PCDHGA1: variants seen among roughly 807,000 people sequenced by gnomAD.
PCDHGA1 encodes the protein protocadherin gamma subfamily A, 1.
Under a neutral mutation model 58.0 loss-of-function variants are expected in PCDHGA1, and 32 were observed. The observed-to-expected ratio is 0.55, with a 90% CI of 0.42 to 0.74. The LOEUF (loss-of-function observed/expected upper bound fraction) is 0.74, where lower values mean the gene tolerates loss of function less well. Among genes scored for constraint, PCDHGA1 ranks in the 30% least tolerant of loss-of-function variants. The pLI is 0.00. For synonymous variants in PCDHGA1, 498 were observed against 501.1 expected, an observed-to-expected ratio of 0.99 and a Z score of 0.08; for missense variants, 1,205 against 1,182.3, an observed-to-expected ratio of 1.02 and a Z score of -0.28.
intron 1 of PCDHGA1, chr5:141,398,756 T>C: frequency 1.9e-6 from 3 of 1,613,924 alleles, no homozygotes; most frequent in Non-Finnish European, 2.5e-6. Context: ...TACCATCGTT[T>C]AGTCCTGACT....
intron 1 of PCDHGA1, chr5:141,420,146 C>G (rs372634787): frequency 1.9e-6 from 3 of 1,613,962 alleles, no homozygotes; most frequent in Non-Finnish European, 2.5e-6. Flanking sequence ...TCAAATGAAT[C>G]CAGAATTTAA....
chr5:141,448,912 T>C (rs1195715286), intron 1 of PCDHGA1, among the ~76,000 whole-genome samples: 1 of 152,152 alleles, frequency 6.6e-6, no homozygotes, highest in Non-Finnish European at 1.5e-5. Flanking sequence ...GCCACTGCAC[T>C]CCAGCCTGGG....
At chr5:141,451,712 C>G (rs769620335) in intron 1 of PCDHGA1, among the ~76,000 whole-genome samples, 2 of 151,994 alleles carry the variant, frequency 1.3e-5, no homozygotes, top group African/African-American at 4.8e-5. Context: ...CAAAACCCTG[C>G]CTCTACTAAA....
chr5:141,410,780 A>T, intron 1 of PCDHGA1: 1 of 803,810 alleles, frequency 1.2e-6, no homozygotes. Context: ...TTCACTATGT[A>T]TTTGGTTCAT....
chr5:141,464,921 G>C (rs1562002597), intron 1 of PCDHGA1, among the ~76,000 whole-genome samples: 6 of 151,106 alleles, frequency 4.0e-5, no homozygotes, highest in Admixed American at 3.3e-4. Flanking sequence ...TTATTTTTTT[G>C]TAGAGATGTG....
At chr5:141,350,349 A>G in intron 1 of PCDHGA1, 1 of 1,559,220 alleles carries the variant, frequency 6.4e-7, no homozygotes, top group Non-Finnish European at 8.7e-7. Flanking sequence ...ATCTCCCAGC[A>G]GATCCGATAC....
intron 1 of PCDHGA1, chr5:141,344,347 AAATT>A: frequency 6.2e-7 from 1 of 1,613,958 alleles, no homozygotes; most frequent in Admixed American, 1.7e-5. Context: ...TGTCTGGTAA[AAATT>A]AACATTCTGG....
intron 1 of PCDHGA1, chr5:141,387,764 A>T: frequency 7.0e-7 from 1 of 1,430,464 alleles, no homozygotes; most frequent in Non-Finnish European, 9.3e-7. Context: ...AAAAAGAAGA[A>T]TTTTTTCTTG....
At chr5:141,430,100 C>T (rs6874907) in intron 1 of PCDHGA1, among the ~76,000 whole-genome samples, 7,606 of 152,160 alleles carry the variant, frequency 0.05, 372 homozygotes, top group African/African-American at 0.13. Context: ...GATTTTTAAG[C>T]GTTACATGTC....
chr5:141,423,332 C>G, intron 1 of PCDHGA1: 2 of 1,614,198 alleles, frequency 1.2e-6, no homozygotes, highest in Non-Finnish European at 1.7e-6. Flanking sequence ...GCCGCAGTCT[C>G]CTGCATCTTC....
rs1345800081 is a variant in PCDHGA1, at chr5:141,485,453, G to A, written c.2422-9354G>A. 1 of 1,614,176 alleles carries A rather than the reference G, an allele frequency of 6.2e-7. No homozygotes were observed. The highest frequency in any genetic ancestry group is 8.5e-7 in the Non-Finnish European group (1 of 1,180,036). On this transcript the variant is annotated intron_variant, in intron 1 of 3. Transcript: ENST00000517417. The surrounding 1 kb of genome is among the most constrained non-coding windows in gnomAD (Gnocchi z 5.7). ...CATCAAGAACCCAATCGACCGAGAG[G>A]CACTGTGTGGGCTCAGTGCCAGCTG...
rs139771811 is a variant in PCDHGA1 at position 141,355,932 on chromosome 5, G to C, written c.2421+22827G>C. ...ACGATAATGCTCCCGTGTTCACTCA[G>C]CCCGAGTACCACGTAAGTGTTCGTG... On this transcript the variant is annotated intron_variant, in intron 1 of 3. Coordinates refer to ENST00000517417, the MANE Select transcript of PCDHGA1 (RefSeq NM_018912.3). 10 of 1,613,772 alleles carry C rather than the reference G, an allele frequency of 6.2e-6. 1 individual carries two copies. The highest frequency in any genetic ancestry group is 4.5e-5 in the East Asian group (2 of 44,878).
At position 141,332,850 on chromosome 5, in the gene PCDHGA1, A is replaced by G. The variant is rs1464240380; in HGVS notation, c.2166A>G (p.Ser722=). ...LAHRLRRWHK[S]RLLQASGGGL... ...ACAGGCTGCGGCGCTGGCACAAGTCACGTCTGCTACAGGCTTCGGGAGGCG... is the reference window on the plus strand; with the variant it reads ...ACAGGCTGCGGCGCTGGCACAAGTCGCGTCTGCTACAGGCTTCGGGAGGCG... Residue 722 remains serine (S), a synonymous_variant, in exon 1 of 4, where the codon TCA becomes TCG. Transcript: ENST00000517417. This position sits in a 1 kb window ranked among gnomAD's most constrained non-coding sequence, Gnocchi z 4.6. 2 of 1,614,168 alleles carry G rather than the reference A, an allele frequency of 1.2e-6. No individual in the cohort carries two copies. Among genetic ancestry groups the G allele is most frequent in the Middle Eastern group, 1.6e-4 (1 of 6,062 alleles).
At chr5:141,496,768 A>G (rs997951321) in intron 2 of PCDHGA1, among the ~76,000 whole-genome samples, 10 of 152,260 alleles carry the variant, frequency 6.6e-5, no homozygotes, top group African/African-American at 2.4e-4. Context: ...TCGAGCATCT[A>G]CTATGAGCAG....
In PCDHGA1 at chr5:141,431,183, A is replaced by G. The variant is rs1467232519; in HGVS notation, c.2422-63624A>G. Reference sequence around the variant, plus strand: ...TCGTGAAAGTGAATTAGAAATAAAAATTAGTGAAAATGCAGCCACTGAGAT... The same window carrying G: ...TCGTGAAAGTGAATTAGAAATAAAAGTTAGTGAAAATGCAGCCACTGAGAT... On this transcript the variant is annotated intron_variant, in intron 1 of 3. Transcript: ENST00000517417. The surrounding 1 kb of genome is among the most constrained non-coding windows in gnomAD (Gnocchi z 4.8). 1 of 1,614,218 alleles carries G rather than the reference A, an allele frequency of 6.2e-7. No individual in the cohort carries two copies. The highest frequency in any genetic ancestry group is 2.2e-5 in the East Asian group (1 of 44,880).
chr5:141,405,273 A>G (rs762280864), intron 1 of PCDHGA1: 5 of 1,613,974 alleles, frequency 3.1e-6, no homozygotes, highest in African/African-American at 2.7e-5. Context: ...CCCCAGCCCA[A>G]CTATGCAGAC....
At chr5:141,505,505 G>A (rs2099846270) in intron 3 of PCDHGA1, 24 bp downstream of exon 3, 1 of 1,614,132 alleles carries the variant, frequency 6.2e-7, no homozygotes, top group Non-Finnish European at 8.5e-7. Flanking sequence ...GTGTGTGTAT[G>A]GAAGAGTGGG....
intron 1 of PCDHGA1, chr5:141,376,446 GC>G (rs1772699263): frequency 6.2e-7 from 1 of 1,614,074 alleles, no homozygotes. Flanking sequence ...TATGAGAAAA[GC>G]GAGCCTCTTC....
At position 141,410,085 on chromosome 5, in the gene PCDHGA1, C is replaced by G; in HGVS notation, c.2421+76980C>G. 3 of 1,612,476 alleles carry G rather than the reference C, an allele frequency of 1.9e-6. No homozygotes were observed. In the South Asian group the frequency reaches 3.3e-5, roughly 18 times the overall value. On this transcript the variant is annotated intron_variant, in intron 1 of 3. Transcript: ENST00000517417. Reference sequence around the variant, plus strand: ...GGGCTGCGCACTGGGGAGGTGCGCACGGCTCGAGCCTTAGGCGACAGGGAC... The same window carrying G: ...GGGCTGCGCACTGGGGAGGTGCGCAGGGCTCGAGCCTTAGGCGACAGGGAC...
Sources: allele counts gnomAD v4.1 joint callset (sites outside exome capture counted in the v4.1 genomes callset), GRCh38; gene constraint gnomAD v4.1.1; non-coding constraint Gnocchi (gnomAD v3.1); transcripts MANE v1.5; gene names NCBI Gene and HGNC (gene_info 2026-07-23, HGNC 2026-07-21).